SYT16: variants seen among roughly 807,000 people sequenced by gnomAD.
The protein encoded by SYT16 is synaptotagmin-16.
Under a neutral mutation model 61.4 loss-of-function variants are expected in SYT16, and 42 were observed. The observed-to-expected ratio is 0.68, with a 90% CI of 0.53 to 0.89. SYT16 has a LOEUF of 0.89. SYT16 is among the 40% of genes least tolerant of loss of function. SYT16 has a pLI of 0.00. For synonymous variants in SYT16, 314 were observed against 302.3 expected (o/e 1.04, Z -0.40); for missense variants, 804 against 807.3 (o/e 1.00, Z 0.05).
rs536463190 is a variant in SYT16 at position 61,945,275 on chromosome 14, A to C, written c.-324-24857A>C. On this transcript the variant is annotated intron_variant, in intron 1 of 7. Coordinates refer to ENST00000683842, the MANE Select transcript of SYT16 (RefSeq NM_001367656.1). ...GATGTGGAGAAATAGGAACGTTTTT[A>C]CACTGTTGGTGGGAGTGTAAATTAG... 1.6e-3 allele frequency among the ~76,000 whole-genome samples: 246 copies of C among 152,342 alleles called. 1 individual carries two copies. Among genetic ancestry groups the C allele is most frequent in the African/African-American group, 5.6e-3 (231 of 41,586 alleles).
At chr14:62,074,047 C>G (rs2056393165) in intron 4 of SYT16, among the ~76,000 whole-genome samples, 1 of 152,178 alleles carries the variant, frequency 6.6e-6, no homozygotes, top group Non-Finnish European at 1.5e-5. Flanking sequence ...CTCTAGTTTT[C>G]TTTCATCCTG....
Position 62,081,260 on chromosome 14 carries a change from A to C in SYT16, c.1420A>C (p.Arg474=). The change falls in exon 6 of 8, where the codon AGA becomes CGA. Residue 474 remains arginine (R), a synonymous_variant. Transcript: ENST00000683842. ...GAAAGTGACTCTGGTTCTGGAGCCA[A>C]GAAGTAATATAAGCGTGAGTATGTT... ...EMKVTLVLEP[R]SNISSGGSPL... The C allele has an allele frequency of 6.2e-7, 1 of 1,613,642 alleles. No homozygotes were observed. The highest frequency in any genetic ancestry group is 8.5e-7 in the Non-Finnish European group (1 of 1,179,748).
At chr14:61,932,216 G>C (rs1484040135) in intron 1 of SYT16, among the ~76,000 whole-genome samples, 1 of 152,162 alleles carries the variant, frequency 6.6e-6, no homozygotes, top group Non-Finnish European at 1.5e-5. Flanking sequence ...AAGTCTCAGG[G>C]TTGGCCTCGC....
chr14:62,006,275 G>A (rs2053222375), intron 3 of SYT16, among the ~76,000 whole-genome samples: 1 of 152,108 alleles, frequency 6.6e-6, no homozygotes, highest in South Asian at 2.1e-4. Flanking sequence ...ATACTATGGG[G>A]TGATGTAAGC....
At chr14:61,854,434 G>A (rs184039942) in intron 1 of SYT16, among the ~76,000 whole-genome samples, 172 of 152,182 alleles carry the variant, frequency 1.1e-3, no homozygotes, top group Non-Finnish European at 1.7e-3. Context: ...ACACACACGC[G>A]CGCACGCGCG....
intron 1 of SYT16, among the ~76,000 whole-genome samples, chr14:61,966,439 C>T (rs1031532931): frequency 1.3e-4 from 20 of 151,994 alleles, no homozygotes; most frequent in Non-Finnish European, 2.1e-4. Flanking sequence ...AAACATTCTA[C>T]TCTATGCATG....
intron 7 of SYT16, among the ~76,000 whole-genome samples, chr14:62,091,667 G>T (rs1185107757): frequency 6.6e-6 from 1 of 152,124 alleles, no homozygotes; most frequent in Admixed American, 6.5e-5. Context: ...AAGCATGAAG[G>T]TTGGATCCTT....
chr14:61,967,770 G>A (rs572474675), intron 1 of SYT16, among the ~76,000 whole-genome samples: 1 of 152,174 alleles, frequency 6.6e-6, no homozygotes, highest in Non-Finnish European at 1.5e-5. Flanking sequence ...GTGAACATAT[G>A]TACTTGAGGC....
At chr14:61,848,808 T>C (rs1226014317) in intron 1 of SYT16, among the ~76,000 whole-genome samples, 4 of 152,182 alleles carry the variant, frequency 2.6e-5, no homozygotes, top group African/African-American at 7.2e-5. Context: ...GACCCTTTTG[T>C]GACAGAGCTG....
At chr14:61,876,251 C>T (rs1411625998) in intron 1 of SYT16, among the ~76,000 whole-genome samples, 1 of 152,222 alleles carries the variant, frequency 6.6e-6, no homozygotes, top group African/African-American at 2.4e-5. Flanking sequence ...AGTACCGATA[C>T]TTGTTTCAGG....
At chr14:61,898,888 G>C (rs958548741) in intron 1 of SYT16, among the ~76,000 whole-genome samples, 3 of 152,206 alleles carry the variant, frequency 2.0e-5, no homozygotes, top group Admixed American at 6.5e-5. Context: ...GACAACTCTA[G>C]AGAAGAGAGG....
intron 1 of SYT16, among the ~76,000 whole-genome samples, chr14:61,871,611 C>A (rs2047335799): frequency 6.6e-6 from 1 of 152,192 alleles, no homozygotes; most frequent in Non-Finnish European, 1.5e-5. Context: ...TGCTTTCCTG[C>A]ATCTTTAAAA....
At chr14:61,879,468 C>T (rs1374830669) in intron 1 of SYT16, among the ~76,000 whole-genome samples, 1 of 152,172 alleles carries the variant, frequency 6.6e-6, no homozygotes, top group Non-Finnish European at 1.5e-5. Context: ...TGGACTGAAG[C>T]TCTAACATTG....
chr14:61,868,860 C>CA (rs567115438), intron 1 of SYT16, among the ~76,000 whole-genome samples: 95 of 152,078 alleles, frequency 6.2e-4, no homozygotes, highest in Non-Finnish European at 9.1e-4. Flanking sequence ...CTTTTTCTAT[C>CA]AATTATTGAG....
chr14:62,056,173 C>T (rs772668050), intron 3 of SYT16, among the ~76,000 whole-genome samples: 8 of 151,884 alleles, frequency 5.3e-5, no homozygotes, highest in Non-Finnish European at 7.4e-5. Context: ...AGGAACATCA[C>T]GACGTTTGAT....
intron 1 of SYT16, among the ~76,000 whole-genome samples, chr14:61,858,860 T>TTTTTG (rs1555348814): frequency 1.7e-5 from 2 of 120,462 alleles, no homozygotes; most frequent in African/African-American, 6.1e-5. Flanking sequence ...TTTTCTTTTC[T>TTTTTG]TTTTTTTTTT....
chr14:61,900,080 T>C (rs1270544794), intron 1 of SYT16, among the ~76,000 whole-genome samples: 4 of 152,100 alleles, frequency 2.6e-5, no homozygotes, highest in Non-Finnish European at 5.9e-5. Context: ...AAGAAAGAGC[T>C]GGTTCCAACC....
chr14:61,906,357 G>T (rs1487514536), intron 1 of SYT16, among the ~76,000 whole-genome samples: 2 of 152,120 alleles, frequency 1.3e-5, no homozygotes, highest in African/African-American at 4.8e-5. Context: ...GTCATGGCTT[G>T]CTGTAGCCTC....
chr14:61,895,296 C>T (rs1406580290), intron 1 of SYT16, among the ~76,000 whole-genome samples: 4 of 152,118 alleles, frequency 2.6e-5, no homozygotes, highest in African/African-American at 9.7e-5. Flanking sequence ...TGCTGAATCC[C>T]TCTGGCTTCC....
Sources: allele counts gnomAD v4.1 joint callset (sites outside exome capture counted in the v4.1 genomes callset), GRCh38; gene constraint gnomAD v4.1.1; transcripts MANE v1.5; gene names NCBI Gene and HGNC (gene_info 2026-07-23, HGNC 2026-07-21).